The following RBFOX1 variants were observed in gnomAD, a reference collection of about 807,000 sequenced individuals.
The protein encoded by RBFOX1 is RNA binding fox-1 homolog 1, also known as RNA binding protein fox-1 homolog 1.
A neutral mutation model predicts 57.7 loss-of-function variants in RBFOX1; 8 were observed. That is an observed-to-expected ratio of 0.14 (90% CI 0.08 to 0.25). The LOEUF (loss-of-function observed/expected upper bound fraction) is 0.25. Ranked by LOEUF, RBFOX1 falls within the 10% of genes least tolerant of loss-of-function variation. RBFOX1 has a pLI of 1.00. For synonymous variants in RBFOX1, 326 were observed against 222.4 expected (o/e 1.47, Z -4.15); for missense variants, 611 against 548.5 (o/e 1.11, Z -1.14).
intron 4 of RBFOX1, among the ~76,000 whole-genome samples, chr16:7,078,344 C>T (rs888607909): frequency 2.0e-5 from 3 of 152,104 alleles, no homozygotes; most frequent in African/African-American, 7.2e-5. Flanking sequence ...ATAACCAACC[C>T]CATATACTTT....
intron 3 of RBFOX1, among the ~76,000 whole-genome samples, chr16:6,856,219 A>G (rs2057873122): frequency 6.6e-6 from 1 of 152,074 alleles, no homozygotes; most frequent in Admixed American, 6.6e-5. Flanking sequence ...GCCAGCCACG[A>G]GAAACATCTG....
intron 2 of RBFOX1, among the ~76,000 whole-genome samples, chr16:5,584,962 G>A (rs1178981001): frequency 6.6e-6 from 1 of 150,688 alleles, no homozygotes; most frequent in Non-Finnish European, 1.5e-5. Flanking sequence ...AGGGATAGAA[G>A]TCTGGGTCTG....
At chr16:7,163,957 G>C (rs2078919464) in intron 4 of RBFOX1, among the ~76,000 whole-genome samples, 1 of 152,156 alleles carries the variant, frequency 6.6e-6, no homozygotes, top group African/African-American at 2.4e-5. Context: ...ACCGCACACA[G>C]CCTGTTTTTT....
chr16:6,787,463 T>G (rs2082158539), intron 3 of RBFOX1, among the ~76,000 whole-genome samples: 1 of 152,150 alleles, frequency 6.6e-6, no homozygotes, highest in East Asian at 1.9e-4. Flanking sequence ...ACAGTTAGAG[T>G]GTGAATTGGA....
chr16:5,857,596 C>G (rs2057104156), intron 3 of RBFOX1, among the ~76,000 whole-genome samples: 1 of 152,148 alleles, frequency 6.6e-6, no homozygotes, highest in Non-Finnish European at 1.5e-5. Context: ...CCAAATCTCC[C>G]CAGTACACTG....
chr16:6,683,786 A>C (rs1181184430), intron 3 of RBFOX1, among the ~76,000 whole-genome samples: 2 of 152,156 alleles, frequency 1.3e-5, no homozygotes, highest in South Asian at 4.1e-4. Flanking sequence ...ACATACCTGG[A>C]TTGCAATCCT....
At chr16:6,861,135 C>T (rs1349301366) in intron 3 of RBFOX1, among the ~76,000 whole-genome samples, 1 of 152,068 alleles carries the variant, frequency 6.6e-6, no homozygotes, top group Non-Finnish European at 1.5e-5. Context: ...GCATTTGCTC[C>T]AGCATCTTCC....
At chr16:5,760,996 C>T (rs1218677564) in intron 3 of RBFOX1, among the ~76,000 whole-genome samples, 1 of 152,198 alleles carries the variant, frequency 6.6e-6, no homozygotes, top group Non-Finnish European at 1.5e-5. Context: ...ATGTAAACTT[C>T]ACCTCAATGA....
chr16:5,705,042 A>G (rs2041255), intron 3 of RBFOX1, among the ~76,000 whole-genome samples: 30,972 of 152,064 alleles, frequency 0.2, 4,411 homozygotes, highest in East Asian at 0.63. Flanking sequence ...ACCCACTGGT[A>G]TCCATTTTGC....
At chr16:7,563,536 C>G (rs551969467) in intron 5 of RBFOX1, among the ~76,000 whole-genome samples, 5 of 152,326 alleles carry the variant, frequency 3.3e-5, no homozygotes, top group East Asian at 3.9e-4. Flanking sequence ...GGCACGATCT[C>G]TGCTCACTGC....
intron 2 of RBFOX1, among the ~76,000 whole-genome samples, chr16:5,587,347 C>T (rs2046866415): frequency 6.6e-6 from 1 of 152,204 alleles, no homozygotes; most frequent in Non-Finnish European, 1.5e-5. Context: ...CATCGTCAGT[C>T]ATCGGGAAAA....
chr16:5,856,310 C>T lies in RBFOX1; in HGVS notation c.319-10993C>T, dbSNP rs867409631. Among the ~76,000 whole-genome samples, 258 of 67,106 alleles carry T rather than the reference C, an allele frequency of 3.8e-3. 11 individuals carry two copies. Among genetic ancestry groups the T allele is most frequent in the African/African-American group, 0.013 (245 of 19,254 alleles). 44.0% of individuals were successfully genotyped at this position (67,106 alleles called of 152,430 possible). ...ACACACACACACACACACACACACACATATATATAGGGAAAACTGTTATAT... is the reference window on the plus strand; with the variant it reads ...ACACACACACACACACACACACACATATATATATAGGGAAAACTGTTATAT... On this transcript the variant is annotated intron_variant, in intron 3 of 19. Coordinates refer to the RBFOX1 transcript ENST00000641259.
At chr16:6,711,572 C>G (rs2063725505) in intron 3 of RBFOX1, among the ~76,000 whole-genome samples, 1 of 152,204 alleles carries the variant, frequency 6.6e-6, no homozygotes, top group Non-Finnish European at 1.5e-5. Context: ...CACTCTCTGT[C>G]TCTCCTGACA....
intron 3 of RBFOX1, among the ~76,000 whole-genome samples, chr16:5,846,801 C>T (rs2056768497): frequency 6.6e-6 from 1 of 152,192 alleles, no homozygotes; most frequent in African/African-American, 2.4e-5. Context: ...TGAAAAGGCT[C>T]CAGGAAGCCC....
intron 3 of RBFOX1, among the ~76,000 whole-genome samples, chr16:6,849,819 T>C (rs1053620385): frequency 5.3e-5 from 8 of 152,142 alleles, no homozygotes; most frequent in African/African-American, 1.7e-4. Flanking sequence ...GAAAATCCTC[T>C]CTCCCTCTTT....
At chr16:7,353,992 GA>G (rs1457205592) in intron 4 of RBFOX1, among the ~76,000 whole-genome samples, 1 of 151,936 alleles carries the variant, frequency 6.6e-6, no homozygotes, top group East Asian at 1.9e-4. Flanking sequence ...TTTTTTTGGA[GA>G]CAGACTCTTG....
At chr16:6,650,570 A>G (rs748833356) in intron 2 of RBFOX1, among the ~76,000 whole-genome samples, 4 of 152,204 alleles carry the variant, frequency 2.6e-5, no homozygotes, top group Non-Finnish European at 2.9e-5. Context: ...CAGTACGAAA[A>G]ACACCAAGCA....
chr16:5,494,994 G>A (rs777674746), intron 2 of RBFOX1, among the ~76,000 whole-genome samples: 9 of 152,126 alleles, frequency 5.9e-5, no homozygotes, highest in East Asian at 3.9e-4. Flanking sequence ...TCAGTTTTAC[G>A]TGACTAGTGT....
At chr16:7,430,800 G>C (rs2098671970) in intron 4 of RBFOX1, among the ~76,000 whole-genome samples, 1 of 152,226 alleles carries the variant, frequency 6.6e-6, no homozygotes, top group Non-Finnish European at 1.5e-5. Context: ...GGATGGCCAA[G>C]TGCAAGTCAC....
Sources: gnomAD v4.1 joint callset for allele counts (sites outside exome capture counted in the v4.1 genomes callset) on GRCh38, gnomAD v4.1.1 for gene constraint, MANE v1.5 for transcripts, NCBI Gene and HGNC (gene_info 2026-07-23, HGNC 2026-07-21) for gene names.